Variants in CALN1 observed in about 807,000 individuals in gnomAD.
The protein encoded by CALN1 is calcium-binding protein 8.
A neutral mutation model predicts 30.6 loss-of-function variants in CALN1; 17 were observed. The ratio of observed to expected loss-of-function variants is 0.56; its 90% CI spans 0.38 to 0.83. The LOEUF is 0.83. CALN1 is among the 40% of genes least tolerant of loss of function. CALN1 has a pLI of 0.00. For synonymous variants in CALN1, 156 were observed against 131.4 expected, an observed-to-expected ratio of 1.19 and a Z score of -1.28; for missense variants, 291 against 354.9, an observed-to-expected ratio of 0.82 and a Z score of 1.45.
At chr7:72,401,244 G>A (rs1554401086) in intron 2 of CALN1, among the ~76,000 whole-genome samples, 2 of 152,154 alleles carry the variant, frequency 1.3e-5, no homozygotes, top group South Asian at 2.1e-4. Flanking sequence ...TGCACTCTGA[G>A]AGATAACATT....
rs368527350 is a variant in CALN1 at position 72,027,961 on chromosome 7, A to C, written c.389-4192T>G. Among the ~76,000 whole-genome samples the C allele has an allele frequency of 2.9e-4, 42 of 146,402 alleles. No individual in the cohort carries two copies. The East Asian group carries it at 4.0e-3, about 14-fold the overall frequency. ...GTAGTCCCAGCTACGTGGGAGGCTGAGGCAGGAGAATGGCGTGAACCCGGG... is the reference window on the plus strand; with the variant it reads ...GTAGTCCCAGCTACGTGGGAGGCTGCGGCAGGAGAATGGCGTGAACCCGGG... On this transcript the variant is annotated intron_variant, in intron 4 of 6. Transcript: ENST00000395275.
intron 4 of CALN1, among the ~76,000 whole-genome samples, chr7:72,034,399 G>GT (rs1384146632): frequency 6.7e-6 from 1 of 148,356 alleles, no homozygotes; most frequent in Non-Finnish European, 1.5e-5. Context: ...GAACAACAAA[G>GT]AAGTCAGGAG....
intron 3 of CALN1, among the ~76,000 whole-genome samples, chr7:72,176,446 T>TG (rs940721772): frequency 2.0e-5 from 3 of 152,140 alleles, no homozygotes; most frequent in African/African-American, 7.2e-5. Flanking sequence ...GTTTGGGTCA[T>TG]GGGGGCGGAT....
At chr7:71,880,902 G>A (rs1040281628) in intron 5 of CALN1, among the ~76,000 whole-genome samples, 1 of 152,114 alleles carries the variant, frequency 6.6e-6, no homozygotes, top group African/African-American at 2.4e-5. Flanking sequence ...ATTGACGCAT[G>A]CAAAGTATTA....
chr7:72,061,497 G>A (rs1803642881), intron 4 of CALN1, among the ~76,000 whole-genome samples: 1 of 150,912 alleles, frequency 6.6e-6, no homozygotes, highest in African/African-American at 2.4e-5. Context: ...ATATAAACAA[G>A]ACTACAATGA....
chr7:72,465,828 G>A, the CALN1 span, among the ~76,000 whole-genome samples: 2 of 152,266 alleles, frequency 1.3e-5, no homozygotes, highest in East Asian at 1.9e-4. Flanking sequence ...CTCAGAGCGC[G>A]GAATCCCCAC....
intron 3 of CALN1, among the ~76,000 whole-genome samples, chr7:72,207,854 T>C (rs1312528876): frequency 6.6e-6 from 1 of 152,232 alleles, no homozygotes; most frequent in Non-Finnish European, 1.5e-5. Flanking sequence ...ATATTACTTT[T>C]ATAGTAAAAA....
chr7:72,009,417 TAAG>T (rs1318287981), intron 5 of CALN1, among the ~76,000 whole-genome samples: 1 of 152,178 alleles, frequency 6.6e-6, no homozygotes, highest in Non-Finnish European at 1.5e-5. Context: ...ATATTAACCC[TAAG>T]AATACAAAAA....
rs1316004850 is a variant in CALN1 at position 72,024,241 on chromosome 7, T to C, written c.389-472A>G. Among the ~76,000 whole-genome samples, 4 of 152,320 alleles carry C rather than the reference T, an allele frequency of 2.6e-5. No homozygotes were observed. In the South Asian group the frequency reaches 6.2e-4, roughly 24 times the overall value. ...CAATGGCTAGTTCCCTTTTCAACCA[T>C]GAAGGTGAGAAAATCCTTCTAAGAA... On this transcript the variant is annotated intron_variant, in intron 4 of 6. Coordinates refer to ENST00000395275, the MANE Select transcript of CALN1 (RefSeq NM_031468.4).
intron 5 of CALN1, among the ~76,000 whole-genome samples, chr7:71,853,849 G>A (rs2116609950): frequency 6.6e-6 from 1 of 152,242 alleles, no homozygotes; most frequent in East Asian, 1.9e-4. Context: ...CAAAGTGCTG[G>A]GATTACAGGA....
chr7:72,390,228 A>G (rs1196856304), intron 2 of CALN1, among the ~76,000 whole-genome samples: 1 of 152,068 alleles, frequency 6.6e-6, no homozygotes, highest in African/African-American at 2.4e-5. Context: ...CAGGAGTCCC[A>G]GACCAGCCTG....
At chr7:72,311,185 A>G (rs1482979830) in intron 2 of CALN1, among the ~76,000 whole-genome samples, 1 of 152,108 alleles carries the variant, frequency 6.6e-6, no homozygotes, top group African/African-American at 2.4e-5. Context: ...ACCTACTTCC[A>G]TTTAACGAAT....
chr7:72,244,562 CT>C lies in CALN1; in HGVS notation c.244+34123del, dbSNP rs372526828. 4.8e-3 allele frequency among the ~76,000 whole-genome samples: 688 copies of C among 142,664 alleles called. 2 individuals carry two copies. The highest frequency in any genetic ancestry group is 7.9e-3 in the African/African-American group (309 of 39,242). The allele number at this position is 142,664 out of a possible 152,430, so 93.6% of individuals were successfully genotyped here. On this transcript the variant is annotated intron_variant, in intron 3 of 6. Coordinates refer to ENST00000395275, the MANE Select transcript of CALN1 (RefSeq NM_031468.4). The stretch of plus-strand genomic sequence containing the variant: ...AAGTTAAAGCACAGAGAATGAATTC[CT>C]TTTTTTTTTTTTAAATCAGCTTTCT...
intron 2 of CALN1, among the ~76,000 whole-genome samples, chr7:72,318,835 T>C (rs1231786581): frequency 3.3e-4 from 1 of 3,054 alleles, no homozygotes; most frequent in African/African-American, 3.7e-4. Flanking sequence ...TTCAGGCATG[T>C]GTCAGGAATG....
chr7:72,058,387 G>A (rs1336961240), intron 4 of CALN1, among the ~76,000 whole-genome samples: 3 of 135,912 alleles, frequency 2.2e-5, no homozygotes, highest in Non-Finnish European at 3.1e-5. Context: ...GCGCCATCTC[G>A]GCTCACTGCA....
chr7:71,842,292 C>T (rs747132480), intron 5 of CALN1, among the ~76,000 whole-genome samples: 3 of 152,348 alleles, frequency 2.0e-5, no homozygotes, highest in Middle Eastern at 3.4e-3. Context: ...TCCTGCCCTG[C>T]GGGAGCATAA....
Position 71,875,581 on chromosome 7 carries a change from T to C in CALN1, c.502-65089A>G, listed in dbSNP as rs1031942967. Among the ~76,000 whole-genome samples, 7 of 152,220 alleles carry C rather than the reference T, an allele frequency of 4.6e-5. No homozygotes were observed. In the South Asian group the frequency reaches 8.3e-4, roughly 18 times the overall value. On this transcript the variant is annotated intron_variant, in intron 5 of 6. Coordinates refer to ENST00000395275, the MANE Select transcript of CALN1 (RefSeq NM_031468.4). ...GAGGTCATGGCAGGAAGCCAGACCC[T>C]AGGACCCTGATACTGGGGACTGTGG...
chr7:71,945,725 A>G (rs990780145), intron 5 of CALN1, among the ~76,000 whole-genome samples: 25 of 152,334 alleles, frequency 1.6e-4, no homozygotes, highest in African/African-American at 6.0e-4. Flanking sequence ...AGCTGCAGGA[A>G]AACAGGCTCA....
intron 4 of CALN1, among the ~76,000 whole-genome samples, chr7:72,070,371 G>A (rs1804306452): frequency 6.6e-6 from 1 of 152,204 alleles, no homozygotes; most frequent in Admixed American, 6.5e-5. Flanking sequence ...CTGAGTCAGA[G>A]AATGTGTCCA....
Sources: allele counts gnomAD v4.1 joint callset (sites outside exome capture counted in the v4.1 genomes callset), GRCh38; gene constraint gnomAD v4.1.1; transcripts MANE v1.5; gene names NCBI Gene and HGNC (gene_info 2026-07-23, HGNC 2026-07-21).